The following KLK8 variants were observed in gnomAD, a reference collection of about 807,000 sequenced individuals.
The protein encoded by KLK8 is kallikrein-8.
Under a neutral mutation model 26.7 loss-of-function variants are expected in KLK8, and 18 were observed. The observed-to-expected ratio is 0.67, with a 90% CI of 0.47 to 1.00. The LOEUF is 1.00. Ranked by LOEUF, KLK8 falls within the 50% of genes least tolerant of loss-of-function variation. KLK8 has a pLI of 0.00. For missense variants in KLK8, 301 were observed against 331.7 expected, an observed-to-expected ratio of 0.91 and a Z score of 0.72; for synonymous variants, 137 against 127.1, an observed-to-expected ratio of 1.08 and a Z score of -0.52.
chr19:50,997,694 G>T, intron 6 of KLK8, 57 bp downstream of exon 5: 134 of 1,533,220 alleles, frequency 8.7e-5, no homozygotes, highest in Non-Finnish European at 1.1e-4. Flanking sequence ...TCCAAGCCTT[G>T]AACCTCGAGA....
intron 3 of KLK8, 70 bp from the exon 3 acceptor site, chr19:51,000,653 G>T: frequency 4.4e-6 from 7 of 1,589,962 alleles, no homozygotes; most frequent in Non-Finnish European, 5.2e-6. Flanking sequence ...GGCCACTGTG[G>T]GTTCAAATGG....
chr19:50,996,784 G>A (rs2091173059), intron 6 of KLK8, among the ~76,000 whole-genome samples: 1 of 150,406 alleles, frequency 6.6e-6, no homozygotes, highest in African/African-American at 2.5e-5. Context: ...GAAGACAGTA[G>A]GGATTACTTG....
chr19:50,996,212 G>T (rs199667123), exon 7 of KLK8: 4 of 1,613,664 alleles, frequency 2.5e-6, no homozygotes, highest in Non-Finnish European at 3.4e-6. Context: ...CTCCAGAATC[G>T]CCCTAGACAG....
rs113362363 is a variant in KLK8, at chr19:50,996,731, C to CAAAAAAAA, written c.628-525_628-518dup. 5.0e-4 allele frequency among the ~76,000 whole-genome samples: 48 copies of CAAAAAAAA among 96,918 alleles called. 3 individuals carry two copies. The highest frequency in any genetic ancestry group is 1.3e-3 in the African/African-American group (32 of 24,364). 63.6% of individuals were successfully genotyped at this position (96,918 alleles called of 152,430 possible). ...TGGGGGACAGAGCGAGACCCTGTCT[C>CAAAAAAAA]AAAAAAAAAAAAAAAAGAGTTCTCG... is the stretch of plus-strand genomic sequence containing the variant. On this transcript the variant is annotated intron_variant, in intron 6 of 6. Coordinates refer to ENST00000600767, the Ensembl canonical transcript of KLK8.
chr19:50,998,412 T>A (rs2091189469), intron 5 of KLK8, among the ~76,000 whole-genome samples: 1 of 152,196 alleles, frequency 6.6e-6, no homozygotes, highest in African/African-American at 2.4e-5. Context: ...TGTCTATTTC[T>A]CCCACCTAGC....
exon 6 of KLK8, chr19:50,997,823 C>T (rs777705326): frequency 2.5e-6 from 4 of 1,614,172 alleles, no homozygotes; most frequent in Non-Finnish European, 2.5e-6. Flanking sequence ...GGTAAGCATC[C>T]TCACACTTCT....
chr19:50,997,357 C>T (rs187886493), intron 6 of KLK8, among the ~76,000 whole-genome samples: 237 of 152,158 alleles, frequency 1.6e-3, no homozygotes, highest in African/African-American at 5.6e-3. Context: ...AGTGGCTGAC[C>T]ACCGGGCCGG....
chr19:50,996,029 A>G, exon 7 of KLK8: 1 of 1,611,644 alleles, frequency 6.2e-7, no homozygotes, highest in East Asian at 2.2e-5. Flanking sequence ...TTGTGAGTTT[A>G]TTAAGGGAGA....
intron 5 of KLK8, among the ~76,000 whole-genome samples, chr19:50,998,511 C>T (rs1172521838): frequency 1.3e-5 from 2 of 152,160 alleles, no homozygotes; most frequent in East Asian, 3.9e-4. Flanking sequence ...ATACTAGGTG[C>T]TCAGTAAATA....
chr19:50,997,932 C>T, intron 5 of KLK8, 48 bp from the exon 5 acceptor site: 2 of 1,609,162 alleles, frequency 1.2e-6, no homozygotes, highest in Non-Finnish European at 1.7e-6. Flanking sequence ...AGCCCTTTGC[C>T]TCCATCCCTG....
intron 2 of KLK8, among the ~76,000 whole-genome samples, 164 bp from the exon 2 acceptor site, chr19:51,001,339 G>T (rs936802689): frequency 1.3e-5 from 2 of 151,910 alleles, no homozygotes; most frequent in African/African-American, 2.4e-5. Context: ...TCCAAGGGAG[G>T]GGGGAGTCCT....
chr19:51,001,192 G>A lies in KLK8; in HGVS notation c.-8-17C>T, dbSNP rs770948198. On this transcript the variant is annotated splice_polypyrimidine_tract_variant and intron_variant, in intron 2 of 6. Coordinates refer to ENST00000600767, the Ensembl canonical transcript of KLK8. ...TGGTGAGGTCTGGGAAATGGAGAGGGCGGGGCCGGTAAACAGGAAGGAGGA... is the reference window on the plus strand; with the variant it reads ...TGGTGAGGTCTGGGAAATGGAGAGGACGGGGCCGGTAAACAGGAAGGAGGA... 15 of 1,606,700 alleles carry A rather than the reference G, an allele frequency of 9.3e-6. No homozygotes were observed. Among genetic ancestry groups the A allele is most frequent in the Non-Finnish European group, 1.3e-5 (15 of 1,176,422 alleles).
chr19:51,001,195 G>T lies in KLK8; in HGVS notation c.-8-20C>A. ...TGAGGTCTGGGAAATGGAGAGGGCG[G>T]GGCCGGTAAACAGGAAGGAGGAGCC... On this transcript the variant is annotated intron_variant, in intron 2 of 6. Coordinates refer to ENST00000600767, the Ensembl canonical transcript of KLK8. The T allele has an allele frequency of 6.2e-7, 1 of 1,605,214 alleles. No homozygotes were observed. Among genetic ancestry groups the T allele is most frequent in the Non-Finnish European group, 8.5e-7 (1 of 1,175,640 alleles).
intron 6 of KLK8, among the ~76,000 whole-genome samples, chr19:50,996,656 T>C (rs1701915): frequency 0.57 from 85,266 of 148,920 alleles, 27,128 homozygotes; most frequent in African/African-American, 0.87. Flanking sequence ...TTGCTTGAAC[T>C]GGGAGGCAGA....
intron 2 of KLK8, 80 bp from the exon 2 acceptor site, chr19:51,001,255 G>T: frequency 3.3e-6 from 4 of 1,211,434 alleles, no homozygotes; most frequent in South Asian, 1.3e-5. Context: ...CACTGGGGAG[G>T]CAGCCGAGAG....
chr19:51,000,653 G>A (rs746994521), intron 3 of KLK8, 70 bp from the exon 3 acceptor site: 2 of 1,589,962 alleles, frequency 1.3e-6, no homozygotes, highest in South Asian at 2.2e-5. Context: ...GGCCACTGTG[G>A]GTTCAAATGG....
chr19:50,996,923 CA>C (rs1568554321), intron 6 of KLK8, among the ~76,000 whole-genome samples: 27 of 151,306 alleles, frequency 1.8e-4, no homozygotes, highest in African/African-American at 3.2e-4. Context: ...CACACACACA[CA>C]CACACACACA....
exon 7 of KLK8, chr19:50,996,190 A>G: frequency 6.2e-7 from 1 of 1,614,140 alleles, no homozygotes; most frequent in Non-Finnish European, 8.5e-7. Context: ...GCACCATCAC[A>G]CACCAGGGGG....
At chr19:50,996,743 A>AAAAAT (rs1373859904) in intron 6 of KLK8, among the ~76,000 whole-genome samples, 6 of 151,656 alleles carry the variant, frequency 4.0e-5, no homozygotes, top group African/African-American at 1.5e-4. Flanking sequence ...AAAAAAAAAA[A>AAAAAT]AAAAGAGTTC....
Sources: allele counts gnomAD v4.1 joint callset (sites outside exome capture counted in the v4.1 genomes callset), GRCh38; gene constraint gnomAD v4.1.1; transcripts MANE v1.5; gene names NCBI Gene and HGNC (gene_info 2026-07-23, HGNC 2026-07-21).